Variants in PKIB observed in about 807,000 individuals in gnomAD.
PKIB encodes the protein cAMP-dependent protein kinase inhibitor beta, also known as PKI-beta.
In PKIB, 2 loss-of-function variants were observed where a neutral mutation model predicts 4.5. That is an observed-to-expected ratio of 0.44 (90% confidence interval 0.18 to 1.39). PKIB has a LOEUF of 1.39. Among genes scored for constraint, PKIB ranks in the 40% most tolerant of loss-of-function variants. The pLI is 0.27. For missense variants in PKIB, 94 were observed against 92.6 expected (o/e 1.02, Z -0.06); for synonymous variants, 38 against 36.0 (o/e 1.06, Z -0.20).
chr6:122,495,640 C>T (rs1025128079), intron 2 of PKIB, among the ~76,000 whole-genome samples: 3 of 152,092 alleles, frequency 2.0e-5, no homozygotes, highest in African/African-American at 4.8e-5. Flanking sequence ...GGCATCTGGC[C>T]GATTCCCCCA....
chr6:122,627,257 G>GA (rs1199519137), intron 1 of PKIB, among the ~76,000 whole-genome samples: 9 of 148,252 alleles, frequency 6.1e-5, no homozygotes, highest in East Asian at 2.0e-4. Flanking sequence ...AAAAAAAAAA[G>GA]AAAAAAAAAT....
At chr6:122,629,356 A>G (rs1775594309) in intron 1 of PKIB, among the ~76,000 whole-genome samples, 1 of 152,224 alleles carries the variant, frequency 6.6e-6, no homozygotes, top group African/African-American at 2.4e-5. Context: ...ATAATAAAGT[A>G]CTATTGGATT....
At chr6:122,492,965 T>A (rs1361394451) in intron 2 of PKIB, among the ~76,000 whole-genome samples, 2 of 152,176 alleles carry the variant, frequency 1.3e-5, no homozygotes, top group Admixed American at 6.5e-5. Context: ...TACTCTGGCA[T>A]AAGGTTTTGT....
At chr6:122,666,932 G>A (rs1423709366) in intron 2 of PKIB, among the ~76,000 whole-genome samples, 1 of 150,864 alleles carries the variant, frequency 6.6e-6, no homozygotes, top group Non-Finnish European at 1.5e-5. Context: ...GCTTCCTTAG[G>A]CATCCAATGG....
chr6:122,657,077 G>A (rs927722575), intron 2 of PKIB, among the ~76,000 whole-genome samples: 2 of 152,170 alleles, frequency 1.3e-5, no homozygotes, highest in African/African-American at 4.8e-5. Context: ...AATATATACA[G>A]ATAGTAAAAT....
chr6:122,487,873 C>T (rs1775815278), intron 2 of PKIB, among the ~76,000 whole-genome samples: 1 of 152,154 alleles, frequency 6.6e-6, no homozygotes, highest in African/African-American at 2.4e-5. Flanking sequence ...CTGTGTTCTT[C>T]TCATTGTATT....
intron 2 of PKIB, among the ~76,000 whole-genome samples, chr6:122,528,800 G>C (rs905263583): frequency 2.6e-5 from 4 of 152,120 alleles, no homozygotes; most frequent in African/African-American, 9.7e-5. Flanking sequence ...ACCAAACTTA[G>C]GATTTTGAGG....
At chr6:122,705,001 A>G (rs1778998354) in intron 3 of PKIB, among the ~76,000 whole-genome samples, 1 of 152,164 alleles carries the variant, frequency 6.6e-6, no homozygotes, top group Non-Finnish European at 1.5e-5. Flanking sequence ...GGCTGCAGTG[A>G]GTTGTGATCA....
chr6:122,622,230 A>T (rs935274270), intron 1 of PKIB, among the ~76,000 whole-genome samples: 1 of 151,930 alleles, frequency 6.6e-6, no homozygotes, highest in Admixed American at 6.6e-5. Flanking sequence ...GTTAGCACAA[A>T]CTCGGTAAAT....
chr6:122,690,940 T>TC (rs1778322882), intron 3 of PKIB, among the ~76,000 whole-genome samples: 3 of 148,346 alleles, frequency 2.0e-5, no homozygotes, highest in Non-Finnish European at 4.4e-5. Flanking sequence ...ATATTTTTTT[T>TC]TTTTTTTGCC....
intron 3 of PKIB, among the ~76,000 whole-genome samples, chr6:122,711,133 G>GCACA (rs35051624): frequency 2.6e-5 from 4 of 151,646 alleles, no homozygotes; most frequent in Non-Finnish European, 2.9e-5. Flanking sequence ...AATATACATA[G>GCACA]CACACACACA....
intron 1 of PKIB, among the ~76,000 whole-genome samples, chr6:122,477,206 A>G (rs1367743463): frequency 6.6e-6 from 1 of 152,214 alleles, no homozygotes; most frequent in African/African-American, 2.4e-5. Flanking sequence ...TTGGACCAGC[A>G]TATTTCAAAT....
chr6:122,628,664 A>T (rs908665176), intron 1 of PKIB, among the ~76,000 whole-genome samples: 2 of 152,176 alleles, frequency 1.3e-5, no homozygotes, highest in African/African-American at 4.8e-5. Context: ...ATTTCTTCCT[A>T]TGGCTACATC....
chr6:122,611,702 C>T lies in PKIB; in HGVS notation c.-161+1167C>T, dbSNP rs560427863. Among the ~76,000 whole-genome samples, 424 of 152,172 alleles carry T rather than the reference C, an allele frequency of 2.8e-3. 3 individuals are homozygous for T. Among genetic ancestry groups the T allele is most frequent in the Non-Finnish European group, 4.5e-3 (303 of 67,998 alleles). On this transcript the variant is annotated intron_variant, in intron 1 of 4. Coordinates refer to ENST00000368452, the MANE Select transcript of PKIB (RefSeq NM_181795.3). ...ACATTGCCACACATTCAAAAAAAATCCTCCTGGGATTTTATATTTAGAAAG... is the reference window on the plus strand; with the variant it reads ...ACATTGCCACACATTCAAAAAAAATTCTCCTGGGATTTTATATTTAGAAAG...
chr6:122,668,771 C>G (rs1777332259), intron 2 of PKIB, among the ~76,000 whole-genome samples: 1 of 152,222 alleles, frequency 6.6e-6, no homozygotes, highest in African/African-American at 2.4e-5. Flanking sequence ...GACTCCCAAA[C>G]TCTTTCTTCT....
intron 2 of PKIB, among the ~76,000 whole-genome samples, chr6:122,499,892 A>C (rs1430160022): frequency 6.6e-6 from 1 of 152,198 alleles, no homozygotes; most frequent in Non-Finnish European, 1.5e-5. Flanking sequence ...ATGTACAAAA[A>C]TCAGTAGCAA....
rs569709870 is a variant in PKIB at position 122,511,708 on chromosome 6, A to G, written c.-248+33769A>G. On this transcript the variant is annotated intron_variant, in intron 2 of 6. Transcript: ENST00000392491. Reference sequence around the variant, plus strand: ...GTTTCCACAGTATTTATTGAGTACAATCACTTAGATCTAAGAAGCAGATGC... The same window carrying G: ...GTTTCCACAGTATTTATTGAGTACAGTCACTTAGATCTAAGAAGCAGATGC... Among the ~76,000 whole-genome samples the G allele has an allele frequency of 3.3e-5, 5 of 152,352 alleles. No individual in the cohort carries two copies. In the East Asian group the frequency reaches 9.6e-4, roughly 29 times the overall value.
intron 3 of PKIB, among the ~76,000 whole-genome samples, chr6:122,706,716 A>T (rs9482269): frequency 0.32 from 49,071 of 151,922 alleles, 9,134 homozygotes; most frequent in South Asian, 0.56. Flanking sequence ...CAAATTCTCA[A>T]TAAAGTGCTT....
At chr6:122,649,577 G>C (rs1270158013) in intron 2 of PKIB, among the ~76,000 whole-genome samples, 2 of 152,096 alleles carry the variant, frequency 1.3e-5, no homozygotes, top group Non-Finnish European at 2.9e-5. Context: ...TAGATTACTT[G>C]AGCCTGTTTC....
Sources: gnomAD v4.1 joint callset for allele counts (sites outside exome capture counted in the v4.1 genomes callset) on GRCh38, gnomAD v4.1.1 for gene constraint, MANE v1.5 for transcripts, NCBI Gene and HGNC (gene_info 2026-07-23, HGNC 2026-07-21) for gene names.